SNX8: variants seen among roughly 807,000 people sequenced by gnomAD.
The protein encoded by SNX8 is sorting nexin 8, also known as sorting nexin-8.
In SNX8, 25 loss-of-function variants were observed where a neutral mutation model predicts 51.6. The ratio of observed to expected loss-of-function variants is 0.48; its 90% CI spans 0.35 to 0.68. The LOEUF is 0.68. Among genes scored for constraint, SNX8 ranks in the 30% least tolerant of loss-of-function variants. The probability of loss-of-function intolerance (pLI) is 0.00; values close to 1 mark genes in which losing one functional copy is unlikely to be tolerated. For synonymous variants in SNX8, 324 were observed against 277.0 expected (o/e 1.17, Z -1.68); for missense variants, 695 against 624.0 (o/e 1.11, Z -1.21).
intron 1 of SNX8, among the ~76,000 whole-genome samples, chr7:2,304,934 T>C (rs1349367804): frequency 6.6e-6 from 1 of 152,196 alleles, no homozygotes; most frequent in Non-Finnish European, 1.5e-5. Context: ...TAATGAACTG[T>C]GCCCAGTAAT....
chr7:2,315,819 CACTT>C (rs1453847643), upstream of SNX8, among the ~76,000 whole-genome samples: 7 of 150,830 alleles, frequency 4.6e-5, no homozygotes, highest in South Asian at 2.1e-4. Context: ...CCCACTCACT[CACTT>C]ACTGCATCCT....
intron 7 of SNX8, among the ~76,000 whole-genome samples, chr7:2,258,659 G>A (rs1400499900): frequency 6.6e-6 from 1 of 152,214 alleles, no homozygotes; most frequent in Non-Finnish European, 1.5e-5. Flanking sequence ...CGCAGGGTAG[G>A]TAGGAGAGAC....
At chr7:2,317,954 C>G (rs1796782210), upstream of SNX8, among the ~76,000 whole-genome samples, 1 of 152,194 alleles carries the variant, frequency 6.6e-6, no homozygotes, top group African/African-American at 2.4e-5. Context: ...CTTCCTTCCT[C>G]CACCCTCACT....
chr7:2,322,209 C>T (rs1458255211), intron 1 of SNX8, among the ~76,000 whole-genome samples: 1 of 152,154 alleles, frequency 6.6e-6, no homozygotes, highest in African/African-American at 2.4e-5. Context: ...GGAGGACGTG[C>T]AGAAAGGACC....
At chr7:2,325,951 C>G (rs919063008) in intron 1 of SNX8, among the ~76,000 whole-genome samples, 1 of 152,168 alleles carries the variant, frequency 6.6e-6, no homozygotes, top group African/African-American at 2.4e-5. Flanking sequence ...GGGAATGTAT[C>G]TTTGAATTAT....
At chr7:2,261,282 A>C (rs996318637) in intron 7 of SNX8, among the ~76,000 whole-genome samples, 1 of 152,064 alleles carries the variant, frequency 6.6e-6, no homozygotes, top group African/African-American at 2.4e-5. Context: ...AAAATACAAA[A>C]ATTAGCCGGG....
chr7:2,318,390 A>C (rs1796786275), upstream of SNX8, among the ~76,000 whole-genome samples: 1 of 151,580 alleles, frequency 6.6e-6, no homozygotes, highest in Admixed American at 6.6e-5. Flanking sequence ...TACAGTCTCT[A>C]CCGGGCGCCT....
chr7:2,352,644 A>G (rs1360965733), intron 1 of SNX8, among the ~76,000 whole-genome samples: 1 of 151,888 alleles, frequency 6.6e-6, no homozygotes, highest in Non-Finnish European at 1.5e-5. Context: ...CATCCTGGCT[A>G]ATACGGTGAA....
chr7:2,310,240 C>T (rs1487371083), intron 1 of SNX8, among the ~76,000 whole-genome samples: 2 of 152,086 alleles, frequency 1.3e-5, no homozygotes, highest in African/African-American at 4.8e-5. Context: ...GCTTCATGAC[C>T]TAAGAACAGG....
chr7:2,311,167 T>C (rs1796650524), intron 1 of SNX8, among the ~76,000 whole-genome samples: 1 of 152,202 alleles, frequency 6.6e-6, no homozygotes, highest in Non-Finnish European at 1.5e-5. Context: ...CACATTTTTT[T>C]CTGGCAACAC....
At chr7:2,273,756 T>C (rs1049457521) in intron 3 of SNX8, among the ~76,000 whole-genome samples, 4 of 148,518 alleles carry the variant, frequency 2.7e-5, no homozygotes, top group Non-Finnish European at 4.5e-5. Flanking sequence ...ACAAAAAAAT[T>C]AGCCAGGCGT....
At chr7:2,276,755 G>A (rs963423450) in intron 2 of SNX8, among the ~76,000 whole-genome samples, 1 of 152,110 alleles carries the variant, frequency 6.6e-6, no homozygotes, top group African/African-American at 2.4e-5. Context: ...GACCAGCCTG[G>A]ACAATATAGT....
At chr7:2,269,183 T>G (rs1344128395) in intron 5 of SNX8, among the ~76,000 whole-genome samples, 1 of 150,916 alleles carries the variant, frequency 6.6e-6, no homozygotes, top group Non-Finnish European at 1.5e-5. Flanking sequence ...TGTTCTGTAC[T>G]AAGAAAAATT....
chr7:2,314,885 C>G (rs1796729265), upstream of SNX8, among the ~76,000 whole-genome samples: 1 of 152,200 alleles, frequency 6.6e-6, no homozygotes, highest in African/African-American at 2.4e-5. Context: ...TTCATTCATT[C>G]ACCCACTCAC....
chr7:2,333,765 A>C (rs1196672699), intron 1 of SNX8, among the ~76,000 whole-genome samples: 1 of 152,218 alleles, frequency 6.6e-6, no homozygotes, highest in Admixed American at 6.5e-5. Flanking sequence ...ATCAATGTCG[A>C]TTTGAAGAAA....
upstream of SNX8, among the ~76,000 whole-genome samples, chr7:2,316,690 C>T (rs1796763813): frequency 1.3e-5 from 2 of 151,920 alleles, no homozygotes; most frequent in Admixed American, 1.3e-4. Flanking sequence ...GTCACTGCAT[C>T]ATGCATTCAT....
chr7:2,284,210 G>A (rs557896263), intron 1 of SNX8, among the ~76,000 whole-genome samples: 115 of 152,120 alleles, frequency 7.6e-4, no homozygotes, highest in African/African-American at 2.6e-3. Context: ...GATGACAGGC[G>A]TGAGCCACCA....
chr7:2,287,175 G>A (rs779369183), intron 1 of SNX8, among the ~76,000 whole-genome samples: 2 of 151,400 alleles, frequency 1.3e-5, no homozygotes, highest in African/African-American at 4.9e-5. Context: ...TAGAGATAGG[G>A]TCTCGCCATG....
intron 7 of SNX8, among the ~76,000 whole-genome samples, chr7:2,261,452 A>T (rs1431407882): frequency 6.6e-6 from 1 of 152,184 alleles, no homozygotes; most frequent in Non-Finnish European, 1.5e-5. Context: ...CAAAAAAAAG[A>T]AATAGCTGTT....
Sources: gnomAD v4.1 joint callset for allele counts (sites outside exome capture counted in the v4.1 genomes callset) on GRCh38, gnomAD v4.1.1 for gene constraint, MANE v1.5 for transcripts, NCBI Gene and HGNC (gene_info 2026-07-23, HGNC 2026-07-21) for gene names.